The following WDR44 variants were observed in gnomAD, a reference collection of about 807,000 sequenced individuals.
WDR44 encodes WD repeat domain 44, also known as WD repeat-containing protein 44.
WDR44 carries 9 observed loss-of-function variants against 65.7 expected under a neutral mutation model. The ratio of observed to expected loss-of-function variants is 0.14; its 90% CI spans 0.08 to 0.24. WDR44 has a LOEUF of 0.24. Among genes scored for constraint, WDR44 ranks in the 10% least tolerant of loss-of-function variants. WDR44 has a pLI of 1.00. For missense variants in WDR44, 425 were observed against 670.9 expected (o/e 0.63, Z 4.05); for synonymous variants, 220 against 235.2 (o/e 0.94, Z 0.59).
chrX:118,362,499 T>G (rs2056520326), intron 1 of WDR44, among the ~76,000 whole-genome samples: 1 of 111,687 alleles, frequency 9.0e-6, no homozygotes, highest in Admixed American at 9.5e-5. Flanking sequence ...CAAAAAATAA[T>G]GAAGCTGTTT....
intron 18 of WDR44, among the ~76,000 whole-genome samples, 177 bp from the exon 19 acceptor site, chrX:118,444,183 A>C (rs183993278): frequency 8.9e-6 from 1 of 112,542 alleles, no homozygotes; most frequent in East Asian, 2.8e-4. Flanking sequence ...CTAAAATTTG[A>C]GAAGTCAGGG....
chrX:118,442,392 C>T (rs768109788), intron 16 of WDR44, 47 bp downstream of exon 16: 4 of 1,046,589 alleles, frequency 3.8e-6, no homozygotes, highest in Non-Finnish European at 5.3e-6. Context: ...TATGTAGATT[C>T]TTGAAAGTTC....
intron 9 of WDR44, among the ~76,000 whole-genome samples, chrX:118,405,446 T>G (rs2056956940): frequency 9.1e-6 from 1 of 109,822 alleles, no homozygotes; most frequent in African/African-American, 3.3e-5. Context: ...TTCAAACAAT[T>G]CTCCTGCCTC....
chrX:118,390,067 A>ATATT (rs3048527), intron 3 of WDR44, among the ~76,000 whole-genome samples: 12,344 of 105,198 alleles, frequency 0.12, 751 homozygotes, highest in Admixed American at 0.23. Context: ...CTAATTTTTT[A>ATATT]TATTTATTTA....
At chrX:118,446,203 G>A (rs1177510310) in intron 19 of WDR44, among the ~76,000 whole-genome samples, 1 of 110,643 alleles carries the variant, frequency 9.0e-6, no homozygotes, top group African/African-American at 3.3e-5. Flanking sequence ...AGAAGTGCTT[G>A]AACTCGGGAA....
chrX:118,433,044 G>A (rs940909635), intron 13 of WDR44, 150 bp downstream of exon 13: 7 of 444,581 alleles, frequency 1.6e-5, no homozygotes, highest in Admixed American at 1.2e-4. Flanking sequence ...ATAGTCAAGG[G>A]TGATCTCCTT....
At chrX:118,380,538 G>A (rs914608468) in intron 2 of WDR44, among the ~76,000 whole-genome samples, 5 of 111,668 alleles carry the variant, frequency 4.5e-5, no homozygotes, top group Non-Finnish European at 9.4e-5. Flanking sequence ...CTGTATCAAT[G>A]GTTTGTTTCT....
chrX:118,439,793 G>A (rs1352712039), intron 14 of WDR44, among the ~76,000 whole-genome samples: 1 of 107,580 alleles, frequency 9.3e-6, no homozygotes, highest in Admixed American at 1.0e-4. Context: ...TAGGGCAGGG[G>A]GATTTGGGGT....
Position 118,368,459 on chromosome X carries a change from C to CTATATATATATATATATATATATATATA in WDR44, c.78-9938_78-9937insTATATATATATATATATATATATATATA, listed in dbSNP as rs757542334. Among the ~76,000 whole-genome samples the CTATATATATATATATATATATATATATA allele has an allele frequency of 3.4e-3, 248 of 72,715 alleles. 17 individuals are homozygous for CTATATATATATATATATATATATATATA. Among genetic ancestry groups the CTATATATATATATATATATATATATATA allele is most frequent in the Middle Eastern group, 0.013 (2 of 150 alleles). 63.1% of individuals were successfully genotyped at this position (72,715 alleles called of 115,157 possible). On this transcript the variant is annotated intron_variant, in intron 1 of 19. Transcript: ENST00000254029. ...CCACATACATGTTTTGAAATAGTGACTATATATATATATATATATATACTT... is the reference window on the plus strand; with the variant it reads ...CCACATACATGTTTTGAAATAGTGACTATATATATATATATATATATATATATATATATATATATATATATATATACTT...
At chrX:118,352,352 A>ATATATTTTTT (rs1357425730) in intron 1 of WDR44, among the ~76,000 whole-genome samples, 1 of 14,224 alleles carries the variant, frequency 7.0e-5, no homozygotes, top group African/African-American at 3.7e-4. Context: ...ATATATATAT[A>ATATATTTTTT]TTTTTTTTTT....
At chrX:118,445,338 C>G (rs1273549240) in intron 19 of WDR44, among the ~76,000 whole-genome samples, 5 of 112,279 alleles carry the variant, frequency 4.5e-5, no homozygotes, top group Non-Finnish European at 7.5e-5. Context: ...CTATGGGTAA[C>G]CATTCTCTTT....
At chrX:118,358,852 C>G (rs1480332713) in intron 1 of WDR44, among the ~76,000 whole-genome samples, 1 of 111,769 alleles carries the variant, frequency 8.9e-6, no homozygotes, top group African/African-American at 3.3e-5. Context: ...GCAGGTGGAT[C>G]GCTTGAGGTC....
chrX:118,361,750 T>A (rs1286088871), intron 1 of WDR44, among the ~76,000 whole-genome samples: 1 of 111,357 alleles, frequency 9.0e-6, no homozygotes, highest in African/African-American at 3.3e-5. Context: ...AGAGACCTTG[T>A]CTCAAAAAAA....
At chrX:118,419,072 G>A (rs946549933) in intron 12 of WDR44, among the ~76,000 whole-genome samples, 2 of 111,052 alleles carry the variant, frequency 1.8e-5, no homozygotes, top group Non-Finnish European at 3.8e-5. Flanking sequence ...CAGGCAGTAG[G>A]GGATCTGGGC....
chrX:118,417,891 T>C (rs1233193146), intron 12 of WDR44, among the ~76,000 whole-genome samples: 1 of 112,104 alleles, frequency 8.9e-6, no homozygotes, highest in African/African-American at 3.2e-5. Flanking sequence ...TTATTCTTTT[T>C]TCTTTGTCTT....
At chrX:118,426,567 G>A (rs918045237) in intron 12 of WDR44, among the ~76,000 whole-genome samples, 1 of 110,303 alleles carries the variant, frequency 9.1e-6, no homozygotes, top group Non-Finnish European at 1.9e-5. Flanking sequence ...TTAGCTGAGT[G>A]TGGTGGCACA....
At position 118,393,423 on chromosome X, in the gene WDR44, AAC is replaced by A. The variant is rs1391583700; in HGVS notation, c.826+154_826+155del. ...GGCAAAACCCCATCTGAGCAACAAC[AAC>A]AAAAAAAAATACAAAAGTTAGCTGG... is the stretch of plus-strand genomic sequence containing the variant. On this transcript the variant is annotated intron_variant, in intron 4 of 19. Transcript: ENST00000254029. The A allele has an allele frequency of 5.4e-5, 32 of 589,098 alleles. No individual in the cohort carries two copies. The African/African-American group carries it at 6.1e-4, about 11-fold the overall frequency. 48.5% of individuals were successfully genotyped at this position (589,098 alleles called of 1,213,427 possible). A position where few individuals can be genotyped will look rare whatever the true frequency, so the allele number is the denominator to read the frequency against.
intron 19 of WDR44, among the ~76,000 whole-genome samples, chrX:118,445,330 A>G (rs2057337545): frequency 8.9e-6 from 1 of 112,408 alleles, no homozygotes. Flanking sequence ...GTTCATAACT[A>G]TGGGTAACCA....
At position 118,449,070 on chromosome X, in the gene WDR44, CT is replaced by C. The variant is rs1204229548; in HGVS notation, c.*89del. On this transcript the variant is annotated 3_prime_UTR_variant, in exon 20 of 20. Coordinates refer to ENST00000254029, the MANE Select transcript of WDR44 (RefSeq NM_019045.5). ...AAAAATAGTGTTCCAGGCTAACATA[CT>C]TTTTTAATTTTTATTGAAAGTTGTT... is the stretch of plus-strand genomic sequence containing the variant. The C allele has an allele frequency of 1.7e-5, 10 of 598,613 alleles. No individual in the cohort carries two copies. The highest frequency in any genetic ancestry group is 2.5e-5 in the Non-Finnish European group (10 of 404,668). 49.3% of individuals were successfully genotyped at this position (598,613 alleles called of 1,213,427 possible). A position where few individuals can be genotyped will look rare whatever the true frequency, so the allele number is the denominator to read the frequency against.
Sources: allele counts gnomAD v4.1 joint callset (sites outside exome capture counted in the v4.1 genomes callset), GRCh38; gene constraint gnomAD v4.1.1; transcripts MANE v1.5; gene names NCBI Gene and HGNC (gene_info 2026-07-23, HGNC 2026-07-21).